The following LDAH variants were observed in gnomAD, a reference collection of about 807,000 sequenced individuals.
LDAH encodes the protein lipid droplet associated hydrolase.
Under a neutral mutation model 29.6 loss-of-function variants are expected in LDAH, and 26 were observed. That is an observed-to-expected ratio of 0.88 (90% confidence interval 0.64 to 1.22). LDAH has a LOEUF of 1.22. LDAH is among the 50% of genes most tolerant of loss of function. The pLI, the probability that LDAH is intolerant of heterozygous loss-of-function variation, is 0.00. For missense variants in LDAH, 344 were observed against 387.3 expected (o/e 0.89, Z 0.94); for synonymous variants, 117 against 133.0 (o/e 0.88, Z 0.83).
At chr2:20,807,772 C>T (rs1325583481) in intron 1 of LDAH, among the ~76,000 whole-genome samples, 2 of 150,554 alleles carry the variant, frequency 1.3e-5, no homozygotes, top group African/African-American at 2.4e-5. Context: ...ATATTGAAAC[C>T]CTCTCTGAGT....
chr2:20,722,583 G>A (rs1665734505), intron 5 of LDAH, among the ~76,000 whole-genome samples: 1 of 152,080 alleles, frequency 6.6e-6, no homozygotes, highest in Non-Finnish European at 1.5e-5. Flanking sequence ...AAAATAGCTA[G>A]AAGAGAAGAA....
intron 1 of LDAH, among the ~76,000 whole-genome samples, chr2:20,815,701 G>A (rs1389624784): frequency 6.6e-6 from 1 of 151,948 alleles, no homozygotes; most frequent in Non-Finnish European, 1.5e-5. Flanking sequence ...AGGAACAAAG[G>A]GGAACAACAT....
At chr2:20,717,749 G>A (rs758262772) in intron 5 of LDAH, among the ~76,000 whole-genome samples, 7 of 152,112 alleles carry the variant, frequency 4.6e-5, no homozygotes, top group Non-Finnish European at 7.4e-5. Flanking sequence ...CTTTTCTCTT[G>A]TTTTTGTGAT....
intron 3 of LDAH, among the ~76,000 whole-genome samples, chr2:20,781,388 A>G (rs1225310040): frequency 6.6e-6 from 1 of 152,226 alleles, no homozygotes; most frequent in Non-Finnish European, 1.5e-5. Flanking sequence ...AGGAAAACAT[A>G]CTTTCAACAT....
At chr2:20,779,773 G>A (rs1299799145) in intron 3 of LDAH, among the ~76,000 whole-genome samples, 3 of 151,776 alleles carry the variant, frequency 2.0e-5, no homozygotes, top group Non-Finnish European at 2.9e-5. Context: ...ATTTTGCTAC[G>A]TTTTTAAAAA....
intron 4 of LDAH, among the ~76,000 whole-genome samples, chr2:20,762,624 T>G (rs1262591098): frequency 6.6e-6 from 1 of 152,240 alleles, no homozygotes; most frequent in East Asian, 1.9e-4. Flanking sequence ...TATACTACTA[T>G]ATACTAATTC....
chr2:20,739,219 A>G (rs991924476), intron 5 of LDAH, among the ~76,000 whole-genome samples: 1 of 152,340 alleles, frequency 6.6e-6, no homozygotes, highest in African/African-American at 2.4e-5. Flanking sequence ...TACATCGTTC[A>G]TTGGAGGTCG....
At chr2:20,790,199 T>C in intron 3 of LDAH, 56 bp downstream of exon 3, 5 of 1,575,910 alleles carry the variant, frequency 3.2e-6, no homozygotes, top group Non-Finnish European at 4.3e-6. Context: ...GCAAGCTTGC[T>C]AGAAACATGA....
chr2:20,819,742 T>C (rs989209635), intron 1 of LDAH, among the ~76,000 whole-genome samples: 29 of 152,172 alleles, frequency 1.9e-4, no homozygotes, highest in African/African-American at 6.8e-4. Flanking sequence ...CTATTCAACA[T>C]AGTGTTGGAA....
At chr2:20,772,599 A>C (rs1669507817) in intron 4 of LDAH, among the ~76,000 whole-genome samples, 1 of 152,140 alleles carries the variant, frequency 6.6e-6, no homozygotes, top group African/African-American at 2.4e-5. Context: ...TCTCTCCTTG[A>C]GTGTGGGCTA....
At chr2:20,701,099 A>G (rs1663901757) in intron 6 of LDAH, among the ~76,000 whole-genome samples, 1 of 152,210 alleles carries the variant, frequency 6.6e-6, no homozygotes, top group Non-Finnish European at 1.5e-5. Context: ...TATTTGCAGC[A>G]TAACTCCCAA....
At chr2:20,747,789 G>T (rs902934976) in intron 4 of LDAH, among the ~76,000 whole-genome samples, 1 of 151,972 alleles carries the variant, frequency 6.6e-6, no homozygotes, top group African/African-American at 2.4e-5. Flanking sequence ...TATTTTCTAG[G>T]TACTACACTT....
At chr2:20,800,892 A>G (rs1346874236) in intron 2 of LDAH, among the ~76,000 whole-genome samples, 1 of 152,202 alleles carries the variant, frequency 6.6e-6, no homozygotes, top group Non-Finnish European at 1.5e-5. Context: ...TCAGCCTCCC[A>G]AAGTGCTGGG....
intron 4 of LDAH, among the ~76,000 whole-genome samples, chr2:20,767,835 C>T (rs1056814304): frequency 6.6e-6 from 1 of 152,202 alleles, no homozygotes; most frequent in Non-Finnish European, 1.5e-5. Context: ...GACAGAGAGA[C>T]AATGGGATGA....
intron 5 of LDAH, among the ~76,000 whole-genome samples, chr2:20,728,806 A>G (rs1666198128): frequency 6.6e-6 from 1 of 151,450 alleles, no homozygotes; most frequent in African/African-American, 2.4e-5. Flanking sequence ...CACACTGGGT[A>G]GGTTATGGGG....
In LDAH at chr2:20,762,104, G is replaced by A. The variant is rs1186619888; in HGVS notation, c.468+12706C>T. On this transcript the variant is annotated intron_variant, in intron 4 of 6. Transcript: ENST00000237822. ...TTAATATTCTATAATTAACTTTTAT[G>A]TATTATAATGTCTTTTGCAAATATA... 2.0e-5 allele frequency among the ~76,000 whole-genome samples: 3 copies of A among 151,860 alleles called. No homozygotes were observed. The East Asian group carries it at 5.8e-4, about 29-fold the overall frequency.
At chr2:20,780,569 G>A (rs1360229767) in intron 3 of LDAH, among the ~76,000 whole-genome samples, 1 of 152,116 alleles carries the variant, frequency 6.6e-6, no homozygotes, top group Non-Finnish European at 1.5e-5. Context: ...GGAAAGTTGG[G>A]TATAAATGAA....
chr2:20,724,033 T>C (rs542635617), intron 5 of LDAH, among the ~76,000 whole-genome samples: 13 of 152,312 alleles, frequency 8.5e-5, no homozygotes, highest in South Asian at 6.2e-4. Flanking sequence ...GCTAAAAGGT[T>C]TGAAATAGCC....
intron 1 of LDAH, among the ~76,000 whole-genome samples, chr2:20,809,590 C>T (rs765142310): frequency 6.6e-6 from 1 of 151,822 alleles, no homozygotes; most frequent in Non-Finnish European, 1.5e-5. Flanking sequence ...TATATATATA[C>T]ACACAGGATA....
Sources: gnomAD v4.1 joint callset for allele counts (sites outside exome capture counted in the v4.1 genomes callset) on GRCh38, gnomAD v4.1.1 for gene constraint, MANE v1.5 for transcripts, NCBI Gene and HGNC (gene_info 2026-07-23, HGNC 2026-07-21) for gene names.